EXOC6B: variants seen among roughly 807,000 people sequenced by gnomAD.
The protein encoded by EXOC6B is SEC15 homolog B.
EXOC6B carries 54 observed loss-of-function variants against 113.5 expected under a neutral mutation model. The ratio of observed to expected loss-of-function variants is 0.48; its 90% CI spans 0.38 to 0.60. The LOEUF is 0.60. Ranked by LOEUF, EXOC6B falls within the 20% of genes least tolerant of loss-of-function variation. The pLI, the probability that EXOC6B is intolerant of heterozygous loss-of-function variation, is 0.00. For synonymous variants in EXOC6B, 357 were observed against 339.0 expected (o/e 1.05, Z -0.58); for missense variants, 797 against 977.5 (o/e 0.82, Z 2.46).
intron 6 of EXOC6B, among the ~76,000 whole-genome samples, chr2:72,657,079 G>A (rs1312119233): frequency 1.3e-5 from 2 of 151,974 alleles, no homozygotes; most frequent in African/African-American, 4.8e-5. Context: ...TTGAACTCCC[G>A]ACCTCAGGTG....
rs1276912969 is a variant in EXOC6B at position 72,474,659 on chromosome 2, T to A, written c.1800+5957A>T. Among the ~76,000 whole-genome samples the A allele has an allele frequency of 2.0e-5, 3 of 152,136 alleles. No individual in the cohort carries two copies. The East Asian group carries it at 5.8e-4, about 29-fold the overall frequency. On this transcript the variant is annotated intron_variant, in intron 17 of 21. Transcript: ENST00000272427. Reference sequence around the variant, plus strand: ...GCAAATTTCTTATTCATATCATGCATTGTTTTTCTGATTTCTTTGTATTGT... The same window carrying A: ...GCAAATTTCTTATTCATATCATGCAATGTTTTTCTGATTTCTTTGTATTGT...
intron 8 of EXOC6B, among the ~76,000 whole-genome samples, chr2:72,544,351 T>G (rs142661534): frequency 0.011 from 1,718 of 152,244 alleles, 46 homozygotes; most frequent in African/African-American, 0.04. Context: ...GCTCCATGTT[T>G]TTTTTTCTTA....
chr2:72,438,433 A>AC (rs1286548741), intron 18 of EXOC6B, among the ~76,000 whole-genome samples: 3 of 151,908 alleles, frequency 2.0e-5, no homozygotes, highest in Non-Finnish European at 4.4e-5. Context: ...ACATAGAGAG[A>AC]CCCCATCTCT....
intron 12 of EXOC6B, 96 bp from the exon 13 acceptor site, chr2:72,498,647 A>G: frequency 4.6e-6 from 3 of 656,492 alleles, no homozygotes; most frequent in Non-Finnish European, 7.6e-6. Context: ...TAAGATACTG[A>G]AAAACATTAC....
At chr2:72,803,126 C>T (rs1685387594) in intron 1 of EXOC6B, among the ~76,000 whole-genome samples, 2 of 152,250 alleles carry the variant, frequency 1.3e-5, no homozygotes, top group East Asian at 1.9e-4. Context: ...AGACCCCAAG[C>T]ATATTCAAAA....
chr2:72,509,959 G>A (rs1266136145), intron 11 of EXOC6B, among the ~76,000 whole-genome samples: 1 of 152,036 alleles, frequency 6.6e-6, no homozygotes, highest in Non-Finnish European at 1.5e-5. Flanking sequence ...TCAGCCTACT[G>A]ACTAGCTGGG....
intron 8 of EXOC6B, among the ~76,000 whole-genome samples, chr2:72,551,343 G>A (rs1218045338): frequency 6.6e-6 from 1 of 151,112 alleles, no homozygotes; most frequent in Admixed American, 6.6e-5. Flanking sequence ...GATTACAGGT[G>A]TGTGCCACCA....
intron 1 of EXOC6B, among the ~76,000 whole-genome samples, chr2:72,772,164 G>A (rs1449453870): frequency 6.6e-6 from 1 of 152,146 alleles, no homozygotes; most frequent in Non-Finnish European, 1.5e-5. Flanking sequence ...CCTCGCTGGA[G>A]GAAAACGAGA....
At chr2:72,728,705 C>T (rs1270041379) in intron 5 of EXOC6B, among the ~76,000 whole-genome samples, 2 of 152,074 alleles carry the variant, frequency 1.3e-5, no homozygotes, top group African/African-American at 4.8e-5. Context: ...AAAAGTGATA[C>T]ATATCACTTC....
chr2:72,389,274 TCA>T (rs1235485493), intron 18 of EXOC6B, among the ~76,000 whole-genome samples: 2 of 151,986 alleles, frequency 1.3e-5, no homozygotes, highest in African/African-American at 2.4e-5. Flanking sequence ...CTTTAAATTA[TCA>T]CAGTTTATCT....
At chr2:72,668,509 G>A (rs1219547592) in intron 6 of EXOC6B, among the ~76,000 whole-genome samples, 3 of 151,546 alleles carry the variant, frequency 2.0e-5, no homozygotes, top group South Asian at 2.1e-4. Context: ...AAAAAATGGA[G>A]TCAACCTAGG....
At chr2:72,521,749 T>C (rs1052258394) in intron 8 of EXOC6B, among the ~76,000 whole-genome samples, 6 of 152,102 alleles carry the variant, frequency 3.9e-5, no homozygotes, top group African/African-American at 1.4e-4. Context: ...CAGGCTGGAG[T>C]GCAGTGGTGG....
At chr2:72,755,657 T>C (rs772749370) in intron 1 of EXOC6B, among the ~76,000 whole-genome samples, 4 of 152,174 alleles carry the variant, frequency 2.6e-5, no homozygotes, top group African/African-American at 9.7e-5. Flanking sequence ...GAAATTTAGA[T>C]GGCTAAAGGA....
At chr2:72,373,192 T>A (rs1251080943) in intron 19 of EXOC6B, among the ~76,000 whole-genome samples, 1 of 151,040 alleles carries the variant, frequency 6.6e-6, no homozygotes, top group Non-Finnish European at 1.5e-5. Context: ...CCTCAGCCTC[T>A]CGAGTAGCTG....
chr2:72,208,395 G>A (rs538571166), intron 20 of EXOC6B, among the ~76,000 whole-genome samples: 1 of 152,208 alleles, frequency 6.6e-6, no homozygotes, highest in East Asian at 1.9e-4. Context: ...CTGCATCCAT[G>A]TTGCTGCAAA....
At chr2:72,534,614 T>C (rs1393052368) in intron 8 of EXOC6B, among the ~76,000 whole-genome samples, 2 of 152,148 alleles carry the variant, frequency 1.3e-5, no homozygotes, top group Admixed American at 6.5e-5. Flanking sequence ...AGAATTAATA[T>C]ACATTAAAGA....
intron 11 of EXOC6B, among the ~76,000 whole-genome samples, chr2:72,508,360 G>A (rs1415240165): frequency 1.3e-5 from 2 of 152,112 alleles, no homozygotes; most frequent in Admixed American, 1.3e-4. Flanking sequence ...ATTTTTAGGG[G>A]TGTGGACTAG....
chr2:72,275,788 A>T (rs1466202305), intron 20 of EXOC6B, among the ~76,000 whole-genome samples: 1 of 152,156 alleles, frequency 6.6e-6, no homozygotes, highest in Non-Finnish European at 1.5e-5. Flanking sequence ...CAGCAGGTTA[A>T]TTATAATTTC....
At chr2:72,507,344 A>G (rs369369294) in intron 11 of EXOC6B, among the ~76,000 whole-genome samples, 16 of 152,250 alleles carry the variant, frequency 1.1e-4, no homozygotes, top group African/African-American at 3.1e-4. Flanking sequence ...TGGTTCAATG[A>G]GTAAATCTGT....
Sources: allele counts gnomAD v4.1 joint callset (sites outside exome capture counted in the v4.1 genomes callset), GRCh38; gene constraint gnomAD v4.1.1; transcripts MANE v1.5; gene names NCBI Gene and HGNC (gene_info 2026-07-23, HGNC 2026-07-21).